The following RAB27B variants were observed in gnomAD, a reference collection of about 807,000 sequenced individuals.
RAB27B encodes RAB27B, member RAS oncogene family.
Under a neutral mutation model 24.6 loss-of-function variants are expected in RAB27B, and 15 were observed. The ratio of observed to expected loss-of-function variants is 0.61; its 90% CI spans 0.41 to 0.94. RAB27B has a LOEUF of 0.94. RAB27B is among the 40% of genes least tolerant of loss of function. RAB27B has a pLI of 0.00. For synonymous variants in RAB27B, 105 were observed against 92.5 expected, an observed-to-expected ratio of 1.14 and a Z score of -0.78; for missense variants, 261 against 266.8, an observed-to-expected ratio of 0.98 and a Z score of 0.15.
At chr18:54,719,837 T>G (rs535371823) in intron 2 of RAB27B, among the ~76,000 whole-genome samples, 22 of 152,214 alleles carry the variant, frequency 1.4e-4, no homozygotes, top group African/African-American at 5.3e-4. Context: ...AAAACTTAGT[T>G]TTGAAAATTC....
At chr18:54,832,377 AT>A (rs1910715832) in intron 1 of RAB27B, among the ~76,000 whole-genome samples, 1 of 152,228 alleles carries the variant, frequency 6.6e-6, no homozygotes, top group African/African-American at 2.4e-5. Flanking sequence ...CCTAAGATGG[AT>A]AAAACTAGGG....
intron 2 of RAB27B, among the ~76,000 whole-genome samples, chr18:54,759,450 G>T (rs1434699649): frequency 6.6e-6 from 1 of 152,172 alleles, no homozygotes; most frequent in Non-Finnish European, 1.5e-5. Context: ...GAGCTCTGTA[G>T]TATGCTGAAG....
intron 2 of RAB27B, among the ~76,000 whole-genome samples, chr18:54,804,892 C>T (rs1045036010): frequency 0.087 from 4,190 of 47,890 alleles, 210 homozygotes; most frequent in Admixed American, 0.19. Context: ...TTCTTTCTTT[C>T]TCTTTCTCTC....
At chr18:54,871,133 A>T (rs1912448412) in intron 1 of RAB27B, among the ~76,000 whole-genome samples, 1 of 152,222 alleles carries the variant, frequency 6.6e-6, no homozygotes, top group Admixed American at 6.5e-5. Context: ...TCATCAATTA[A>T]TTCTAAATAG....
intron 2 of RAB27B, among the ~76,000 whole-genome samples, chr18:54,778,724 A>G (rs981240198): frequency 2.0e-5 from 3 of 152,102 alleles, no homozygotes; most frequent in Admixed American, 1.3e-4. Context: ...TCTTCTTCCA[A>G]TAAAAATGAT....
At chr18:54,869,189 G>A (rs983470378) in intron 1 of RAB27B, among the ~76,000 whole-genome samples, 24 of 152,164 alleles carry the variant, frequency 1.6e-4, no homozygotes, top group African/African-American at 5.3e-4. Flanking sequence ...AATCCATTAG[G>A]AGTATCTGTC....
intron 5 of RAB27B, among the ~76,000 whole-genome samples, chr18:54,888,384 T>TTA (rs767873478): frequency 2.0e-5 from 3 of 152,172 alleles, no homozygotes; most frequent in Non-Finnish European, 4.4e-5. Flanking sequence ...TTATCTCATT[T>TTA]TATATATAAG....
intron 2 of RAB27B, among the ~76,000 whole-genome samples, chr18:54,805,994 C>T (rs1356896117): frequency 1.3e-5 from 2 of 152,174 alleles, no homozygotes; most frequent in African/African-American, 4.8e-5. Context: ...TACCAGGTCA[C>T]TCAATTGTAT....
intron 3 of RAB27B, among the ~76,000 whole-genome samples, chr18:54,883,425 A>G (rs1913007129): frequency 6.6e-6 from 1 of 152,176 alleles, no homozygotes; most frequent in South Asian, 2.1e-4. Context: ...TAGGATAGGA[A>G]GCGATATCTC....
At chr18:54,888,218 A>G in intron 5 of RAB27B, 100 bp downstream of exon 5, 1 of 1,351,438 alleles carries the variant, frequency 7.4e-7, no homozygotes, top group Non-Finnish European at 1.0e-6. Context: ...CCCTTAACCA[A>G]GAACAGCATG....
At chr18:54,728,075 A>C (rs1184712885) in intron 2 of RAB27B, among the ~76,000 whole-genome samples, 2 of 152,212 alleles carry the variant, frequency 1.3e-5, no homozygotes, top group Admixed American at 6.5e-5. Context: ...GAGACTGAGC[A>C]GTACATTTCC....
intron 2 of RAB27B, among the ~76,000 whole-genome samples, chr18:54,785,247 G>A (rs552042781): frequency 7.4e-6 from 1 of 135,036 alleles, no homozygotes; most frequent in African/African-American, 2.7e-5. Context: ...GATTACAGGT[G>A]TGCATCAGCA....
chr18:54,854,437 A>G (rs1239308365), intron 1 of RAB27B, among the ~76,000 whole-genome samples: 1 of 152,202 alleles, frequency 6.6e-6, no homozygotes, highest in African/African-American at 2.4e-5. Flanking sequence ...TCCGTTAACC[A>G]TTCAACAAAT....
chr18:54,723,537 G>GAATAT (rs1189817309), intron 2 of RAB27B, among the ~76,000 whole-genome samples: 1 of 152,068 alleles, frequency 6.6e-6, no homozygotes, highest in Non-Finnish European at 1.5e-5. Context: ...GTATAATCCT[G>GAATAT]AATATAAGTA....
intron 1 of RAB27B, among the ~76,000 whole-genome samples, chr18:54,831,484 A>G (rs752547268): frequency 3.4e-4 from 52 of 152,314 alleles, no homozygotes; most frequent in Admixed American, 1.4e-3. Flanking sequence ...TATGATTTAG[A>G]TATAGCCCGT....
intron 1 of RAB27B, among the ~76,000 whole-genome samples, chr18:54,831,537 T>C (rs1910677854): frequency 6.6e-6 from 1 of 152,244 alleles, no homozygotes; most frequent in African/African-American, 2.4e-5. Flanking sequence ...ACTATGAACT[T>C]TAATATTCGT....
At position 54,850,333 on chromosome 18, in the gene RAB27B, G is replaced by GAC. The variant is rs869079784; in HGVS notation, c.-20+21634_-20+21635insCA. Among the ~76,000 whole-genome samples, 312 of 94,998 alleles carry GAC rather than the reference G, an allele frequency of 3.3e-3. 20 individuals are homozygous for GAC. Among genetic ancestry groups the GAC allele is most frequent in the South Asian group, 0.011 (25 of 2,204 alleles). 62.3% of individuals were successfully genotyped at this position (94,998 alleles called of 152,430 possible). A position where few individuals can be genotyped will look rare whatever the true frequency, so the allele number is the denominator to read the frequency against. On this transcript the variant is annotated intron_variant, in intron 1 of 5. Transcript: ENST00000262094. ...TATTTATTTAAAAGCAAACAAACAG[G>GAC]ATATATATATATATATATATATATA...
At chr18:54,721,210 C>T (rs1483783833) in intron 2 of RAB27B, among the ~76,000 whole-genome samples, 1 of 152,134 alleles carries the variant, frequency 6.6e-6, no homozygotes, top group East Asian at 1.9e-4. Flanking sequence ...GTAAAGGACA[C>T]ATACGCAATG....
In RAB27B at chr18:54,874,519, A is replaced by G. The variant is rs570049644; in HGVS notation, c.-19-3048A>G. On this transcript the variant is annotated intron_variant, in intron 1 of 5. Transcript: ENST00000262094. ...ATTTAACTAGATTTGCTCATGACTT[A>G]GTGTTTCTTGAGACTGTCACGCATT... Among the ~76,000 whole-genome samples the G allele has an allele frequency of 2.1e-3, 322 of 151,014 alleles. 2 individuals are homozygous for G. Among genetic ancestry groups the G allele is most frequent in the African/African-American group, 7.6e-3 (311 of 41,150 alleles).
Sources: allele counts gnomAD v4.1 joint callset (sites outside exome capture counted in the v4.1 genomes callset), GRCh38; gene constraint gnomAD v4.1.1; transcripts MANE v1.5; gene names NCBI Gene and HGNC (gene_info 2026-07-23, HGNC 2026-07-21).